ZNRF3: variants seen among roughly 807,000 people sequenced by gnomAD.
ZNRF3 encodes the protein E3 ubiquitin-protein ligase ZNRF3.
A neutral mutation model predicts 72.5 loss-of-function variants in ZNRF3; 23 were observed. The observed-to-expected ratio is 0.32, with a 90% CI of 0.23 to 0.45. The LOEUF (loss-of-function observed/expected upper bound fraction) is 0.45, where lower values mean the gene tolerates loss of function less well. Among genes scored for constraint, ZNRF3 ranks in the 20% least tolerant of loss-of-function variants. The probability of loss-of-function intolerance (pLI) is 1.00; values close to 1 mark genes in which losing one functional copy is unlikely to be tolerated. For synonymous variants in ZNRF3, 610 were observed against 545.3 expected (o/e 1.12, Z -1.65); for missense variants, 1,169 against 1,272.1 (o/e 0.92, Z 1.23).
chr22:29,012,362 A>C (rs943798851), intron 2 of ZNRF3, among the ~76,000 whole-genome samples: 2 of 152,224 alleles, frequency 1.3e-5, no homozygotes, highest in African/African-American at 4.8e-5. Context: ...TTAGTTCTCA[A>C]AACATCCAGA....
chr22:28,969,890 G>A (rs374476950), intron 1 of ZNRF3, among the ~76,000 whole-genome samples: 1 of 152,166 alleles, frequency 6.6e-6, no homozygotes, highest in African/African-American at 2.4e-5. Flanking sequence ...GTGCTGGAAA[G>A]TGGTTGGGTT....
At chr22:28,912,292 C>G (rs918908625) in intron 1 of ZNRF3, among the ~76,000 whole-genome samples, 7 of 152,196 alleles carry the variant, frequency 4.6e-5, no homozygotes, top group Non-Finnish European at 1.5e-5. Context: ...TGGGCCAGTC[C>G]AGGCAGAATT....
chr22:29,022,563 C>T (rs576213373), intron 2 of ZNRF3, among the ~76,000 whole-genome samples: 1 of 152,278 alleles, frequency 6.6e-6, no homozygotes, highest in East Asian at 1.9e-4. Flanking sequence ...AAAACCTTGA[C>T]TTTAAATTAC....
chr22:28,919,557 T>TG (rs2034472023), intron 1 of ZNRF3, among the ~76,000 whole-genome samples: 1 of 151,768 alleles, frequency 6.6e-6, no homozygotes. Context: ...TTTTTTTTTT[T>TG]GAGACGGAGT....
At chr22:29,017,936 G>T (rs2036464730) in intron 2 of ZNRF3, 1 of 515,710 alleles carries the variant, frequency 1.9e-6, no homozygotes, top group African/African-American at 1.9e-5. Context: ...GCTTTGAGAG[G>T]TAATCAAGGG....
At chr22:28,908,210 C>T (rs781270898) in intron 1 of ZNRF3, among the ~76,000 whole-genome samples, 1 of 152,180 alleles carries the variant, frequency 6.6e-6, no homozygotes, top group East Asian at 1.9e-4. Context: ...ATGCAGCATG[C>T]AATGGAAATT....
intron 1 of ZNRF3, among the ~76,000 whole-genome samples, chr22:28,945,836 A>G (rs923107613): frequency 6.6e-6 from 1 of 152,074 alleles, no homozygotes; most frequent in African/African-American, 2.4e-5. Context: ...CCCCATCTCT[A>G]TTTAAAAAAA....
intron 1 of ZNRF3, among the ~76,000 whole-genome samples, chr22:28,955,321 A>G (rs1467480699): frequency 6.6e-6 from 1 of 152,166 alleles, no homozygotes; most frequent in African/African-American, 2.4e-5. Context: ...TGCTGGGATT[A>G]TGGGGATGAG....
chr22:28,980,499 C>G (rs995861430), intron 1 of ZNRF3, among the ~76,000 whole-genome samples: 2 of 152,148 alleles, frequency 1.3e-5, no homozygotes, highest in African/African-American at 4.8e-5. Flanking sequence ...CAAAATATCC[C>G]TTGGAACAAA....
chr22:29,037,032 A>T (rs2036878907), intron 2 of ZNRF3, among the ~76,000 whole-genome samples: 1 of 152,192 alleles, frequency 6.6e-6, no homozygotes, highest in South Asian at 2.1e-4. Flanking sequence ...TATGGTCAGG[A>T]ATGTGGGACA....
rs766234947 is a variant in ZNRF3 at position 29,049,563 on chromosome 22, G to C, written c.1382G>C (p.Cys461Ser). 3.1e-6 allele frequency: 5 copies of C among 1,604,966 alleles called. No individual in the cohort carries two copies. In the Admixed American group the frequency reaches 5.0e-5, roughly 16 times the overall value. ...GGCCGCAGCTTCTCCAAGGCAGCTTGCTTCTCCCAGTATGAGACCATGTAC... is the reference window on the plus strand; with the variant it reads ...GGCCGCAGCTTCTCCAAGGCAGCTTCCTTCTCCCAGTATGAGACCATGTAC... The part of the protein sequence containing the change: ...LSGRSFSKAA[C>S]FSQYETMYQH... The change falls in exon 8 of 9, where the codon TGC (cysteine) becomes TCC (serine). Residue 461 changes from cysteine to serine, a missense_variant. This residue lies in a region of ZNRF3 where 783 missense variants were observed against 731.4 expected (regional missense o/e 1.07). Transcript: ENST00000544604. This position sits in a 1 kb window ranked among gnomAD's most constrained non-coding sequence, Gnocchi z 5.2.
chr22:29,035,579 AT>A (rs892010654), intron 2 of ZNRF3, among the ~76,000 whole-genome samples: 5 of 151,914 alleles, frequency 3.3e-5, no homozygotes, highest in African/African-American at 1.2e-4. Context: ...TTATTTTAAA[AT>A]TTTTTTTCTT....
chr22:28,988,179 A>G (rs2035889744), intron 2 of ZNRF3, among the ~76,000 whole-genome samples: 1 of 152,156 alleles, frequency 6.6e-6, no homozygotes, highest in Non-Finnish European at 1.5e-5. Flanking sequence ...GCTGGGAGAA[A>G]GGTAGTCTGT....
At chr22:29,051,946 C>T (rs1458614061) in intron 8 of ZNRF3, among the ~76,000 whole-genome samples, 1 of 151,946 alleles carries the variant, frequency 6.6e-6, no homozygotes, top group Non-Finnish European at 1.5e-5. Context: ...ACTTCAGCCT[C>T]CTGGGCTTCT....
chr22:29,033,986 GC>G (rs1470291776), intron 2 of ZNRF3, among the ~76,000 whole-genome samples: 1 of 152,224 alleles, frequency 6.6e-6, no homozygotes, highest in Non-Finnish European at 1.5e-5. Flanking sequence ...TGAGAACCAA[GC>G]CCTGGGACTC....
intron 2 of ZNRF3, among the ~76,000 whole-genome samples, chr22:29,014,661 AT>A (rs1207082613): frequency 6.6e-6 from 1 of 152,252 alleles, no homozygotes; most frequent in East Asian, 1.9e-4. Flanking sequence ...CACTGCCTGT[AT>A]CCCAGGCAGT....
At position 29,049,990 on chromosome 22, in the gene ZNRF3, C is replaced by G. The variant is rs748091845; in HGVS notation, c.1809C>G (p.Ser603Arg). The G allele has an allele frequency of 1.9e-6, 3 of 1,612,136 alleles. No homozygotes were observed. In the South Asian group the frequency reaches 3.3e-5, roughly 18 times the overall value. The change falls in exon 8 of 9, where the codon AGC becomes AGG. Residue 603 changes from serine (S) to arginine (R), a missense_variant. Around this residue, in one of 2 missense-constraint regions of ZNRF3, gnomAD observed 783 missense variants for 731.4 expected, o/e 1.07. Transcript: ENST00000544604. The surrounding 1 kb of genome is among the most constrained non-coding windows in gnomAD (Gnocchi z 5.2). ...ACCCCTTCATCTACCGCAGCCGGAGCCCCTGTCGTGCCAGTGAGGCGGGGG... is the reference window on the plus strand; with the variant it reads ...ACCCCTTCATCTACCGCAGCCGGAGGCCCTGTCGTGCCAGTGAGGCGGGGG... The part of the protein sequence containing the change: ...DYDPFIYRSR[S>R]PCRASEAGGS...
chr22:28,899,797 C>T (rs1338886380), intron 1 of ZNRF3, among the ~76,000 whole-genome samples: 3 of 151,224 alleles, frequency 2.0e-5, no homozygotes, highest in African/African-American at 7.3e-5. Flanking sequence ...TCAAACGATC[C>T]TCCCACCTCA....
At chr22:28,887,701 G>A (rs2033817226) in intron 1 of ZNRF3, among the ~76,000 whole-genome samples, 2 of 152,184 alleles carry the variant, frequency 1.3e-5, no homozygotes, top group East Asian at 1.9e-4. Flanking sequence ...GAATGCTGGA[G>A]AAATTAATTA....
Sources: gnomAD v4.1 joint callset for allele counts (sites outside exome capture counted in the v4.1 genomes callset) on GRCh38, gnomAD v4.1.1 for gene constraint, gnomAD v4.1.1 regional missense constraint, Gnocchi (gnomAD v3.1) non-coding constraint, MANE v1.5 for transcripts, NCBI Gene and HGNC (gene_info 2026-07-23, HGNC 2026-07-21) for gene names.